The following MRRF variants were observed in gnomAD, a reference collection of about 807,000 sequenced individuals.
The protein encoded by MRRF is ribosome-recycling factor, mitochondrial.
Under a neutral mutation model 25.1 loss-of-function variants are expected in MRRF, and 18 were observed. That is an observed-to-expected ratio of 0.72 (90% CI 0.50 to 1.06). MRRF has a LOEUF of 1.06. Among genes scored for constraint, MRRF ranks in the 50% least tolerant of loss-of-function variants. The pLI is 0.00. For synonymous variants in MRRF, 113 were observed against 112.1 expected (o/e 1.01, Z -0.05); for missense variants, 323 against 319.3 (o/e 1.01, Z -0.09).
chr9:122,285,156 A>C lies in MRRF; in HGVS notation c.341-13A>C. ...TTCTTTGGAATTCTAAAACTCTGTA[A>C]TTTTTCTTTTAGGATCCCTTGACAA... On this transcript the variant is annotated splice_polypyrimidine_tract_variant and intron_variant, in intron 3 of 6. Coordinates refer to ENST00000344641, the MANE Select transcript of MRRF (RefSeq NM_138777.5). 6.4e-7 allele frequency: 1 copy of C among 1,555,062 alleles called. No individual in the cohort carries two copies. Among genetic ancestry groups the C allele is most frequent in the Non-Finnish European group, 8.9e-7 (1 of 1,126,458 alleles).
intron 5 of MRRF, among the ~76,000 whole-genome samples, chr9:122,309,668 G>A (rs1835087363): frequency 6.6e-6 from 1 of 152,176 alleles, no homozygotes; most frequent in South Asian, 2.1e-4. Flanking sequence ...ATTTGCATGT[G>A]TTTGTGTAAT....
rs199793095 is a variant in MRRF at position 122,265,542 on chromosome 9, C to CT, written c.-29+605dup. 1,529 of 346,874 alleles carry CT rather than the reference C, an allele frequency of 4.4e-3. 22 individuals are homozygous for CT. Among genetic ancestry groups the CT allele is most frequent in the African/African-American group, 0.031 (1,455 of 46,550 alleles). The allele number at this position is 346,874 out of a possible 1,614,324, so 21.5% of individuals were successfully genotyped here. On this transcript the variant is annotated intron_variant, in intron 1 of 6. Coordinates refer to ENST00000344641, the MANE Select transcript of MRRF (RefSeq NM_138777.5). The stretch of plus-strand genomic sequence containing the variant: ...CTGGAACCAAGACTCGGAGTTTTCT[C>CT]TAAGTTTAGTGCCTTTATTTTGTTT...
In MRRF at chr9:122,323,083, A is replaced by G. The variant is rs940875858; in HGVS notation, c.*466A>G. 12 of 220,576 alleles carry G rather than the reference A, an allele frequency of 5.4e-5. No individual in the cohort carries two copies. Among genetic ancestry groups the G allele is most frequent in the African/African-American group, 2.7e-4 (12 of 44,416 alleles). The allele number at this position is 220,576 out of a possible 1,614,324, so 13.7% of individuals were successfully genotyped here. On this transcript the variant is annotated 3_prime_UTR_variant, in exon 7 of 7. Transcript: ENST00000344641. ...TTGGAAGGAATAACAACCACAAAGG[A>G]AAGAATAGAGTTGGTCTGGATTGAT...
rs1030208292 is a variant in MRRF, at chr9:122,326,660, AAAAG to A, written c.*4048_*4051del. ...TAAAGATGATTTTTTTTTTTAAGAA[AAAAG>A]AAAGGCCCCTATTCTAAGATTATCT... On this transcript the variant is annotated 3_prime_UTR_variant, in exon 7 of 7. Coordinates refer to ENST00000344641, the MANE Select transcript of MRRF (RefSeq NM_138777.5). 12 of 152,110 alleles carry A rather than the reference AAAAG, an allele frequency of 7.9e-5. No homozygotes were observed. Among genetic ancestry groups the A allele is most frequent in the East Asian group, 1.9e-4 (1 of 5,196 alleles). The allele number at this position is 152,110 out of a possible 1,614,324, so 9.4% of individuals were successfully genotyped here.
chr9:122,320,105 C>T (rs1835796422), intron 6 of MRRF, among the ~76,000 whole-genome samples: 1 of 151,914 alleles, frequency 6.6e-6, no homozygotes. Flanking sequence ...AACTCCTCGA[C>T]TCAAGTGATC....
intron 6 of MRRF, among the ~76,000 whole-genome samples, chr9:122,317,067 A>AATATATATATATATATAT (rs71847269): frequency 1.2e-4 from 17 of 145,388 alleles, no homozygotes; most frequent in East Asian, 4.0e-4. Context: ...GGTTGCAGTG[A>AATATATATATATATATAT]ATATATATAT....
Position 122,312,978 on chromosome 9 carries a change from T to C in MRRF, c.552-249T>C, listed in dbSNP as rs558925365. Among the ~76,000 whole-genome samples the C allele has an allele frequency of 4.1e-4, 62 of 152,350 alleles. 1 individual carries two copies. Among genetic ancestry groups the C allele is most frequent in the African/African-American group, 1.3e-3 (56 of 41,590 alleles). On this transcript the variant is annotated intron_variant, in intron 5 of 6. Coordinates refer to ENST00000344641, the MANE Select transcript of MRRF (RefSeq NM_138777.5). Reference sequence around the variant, plus strand: ...GCAGAAAGAATACAGGCCAGAAATATTGGGATTTGAATCCCAGTTCTCTCA... The same window carrying C: ...GCAGAAAGAATACAGGCCAGAAATACTGGGATTTGAATCCCAGTTCTCTCA...
intron 6 of MRRF, among the ~76,000 whole-genome samples, 183 bp downstream of exon 6, chr9:122,313,569 T>G (rs1433831182): frequency 6.6e-6 from 1 of 152,232 alleles, no homozygotes; most frequent in Non-Finnish European, 1.5e-5. Flanking sequence ...TAGAGGAGGA[T>G]AAGACACTTG....
Position 122,313,319 on chromosome 9 carries a change from C to T in MRRF, c.644C>T (p.Ser215Leu). 1.9e-6 allele frequency: 3 copies of T among 1,614,050 alleles called. No individual in the cohort carries two copies. The highest frequency in any genetic ancestry group is 2.5e-6 in the Non-Finnish European group (3 of 1,179,918). ...TCTTTACGGAAGGTTCGCACCAACTCAATGAACAAGCTGAAGAAATCCAAG... is the reference window on the plus strand; with the variant it reads ...TCTTTACGGAAGGTTCGCACCAACTTAATGAACAAGCTGAAGAAATCCAAG... ...KDSLRKVRTNSMNKLKKSKDT... is the reference protein window; with the variant it reads ...KDSLRKVRTNLMNKLKKSKDT... Residue 215 changes from serine (S) to leucine (L), a missense_variant, in exon 6 of 7, where the codon TCA (serine) becomes TTA (leucine). By Grantham distance (145) the Ser-to-Leu change is moderately radical. Coordinates refer to ENST00000344641, the MANE Select transcript of MRRF (RefSeq NM_138777.5).
At chr9:122,299,483 C>T (rs532941483) in intron 5 of MRRF, among the ~76,000 whole-genome samples, 5 of 152,068 alleles carry the variant, frequency 3.3e-5, no homozygotes, top group African/African-American at 1.2e-4. Flanking sequence ...GTCAAGTAGG[C>T]TGTTGGATAT....
rs1588069024 is a variant in MRRF at position 122,306,482 on chromosome 9, G to T, written c.552-6745G>T. Among the ~76,000 whole-genome samples, 6 of 152,256 alleles carry T rather than the reference G, an allele frequency of 3.9e-5. 1 individual carries two copies. The highest frequency in any genetic ancestry group is 3.9e-4 in the Admixed American group (6 of 15,294). On this transcript the variant is annotated intron_variant, in intron 5 of 6. Transcript: ENST00000344641. ...AGGCAGAGGTGAAATAACTTGCCCA[G>T]GGCCACAAAGCTAAAAACTGATAGA...
intron 2 of MRRF, 96 bp from the exon 3 acceptor site, chr9:122,280,347 C>T (rs1442882016): frequency 6.0e-6 from 8 of 1,328,472 alleles, no homozygotes; most frequent in Middle Eastern, 1.8e-4. Flanking sequence ...TAACACTTGA[C>T]ATTTTTCCCT....
chr9:122,293,889 G>A (rs896351545), intron 5 of MRRF, among the ~76,000 whole-genome samples: 1 of 152,146 alleles, frequency 6.6e-6, no homozygotes, highest in African/African-American at 2.4e-5. Flanking sequence ...GAGAAATTAA[G>A]GGACTTGCCC....
intron 4 of MRRF, among the ~76,000 whole-genome samples, chr9:122,290,751 A>C (rs1053809229): frequency 6.6e-6 from 1 of 152,168 alleles, no homozygotes; most frequent in African/African-American, 2.4e-5. Context: ...ATGCCAATGA[A>C]AGGATCTCTA....
chr9:122,313,852 G>T (rs564369256), intron 6 of MRRF, among the ~76,000 whole-genome samples: 18 of 152,300 alleles, frequency 1.2e-4, no homozygotes, highest in African/African-American at 3.4e-4. Context: ...ACTTGAATAA[G>T]TCTTAAGCTG....
At chr9:122,290,709 A>G (rs771484012) in intron 4 of MRRF, among the ~76,000 whole-genome samples, 19 of 152,200 alleles carry the variant, frequency 1.2e-4, no homozygotes, top group Non-Finnish European at 2.6e-4. Flanking sequence ...TGAAAATGTC[A>G]GAGGCTTTGT....
intron 1 of MRRF, among the ~76,000 whole-genome samples, chr9:122,268,993 G>A (rs1384717267): frequency 1.3e-5 from 2 of 151,808 alleles, no homozygotes; most frequent in Admixed American, 6.6e-5. Flanking sequence ...GTGAAACCCC[G>A]TCTCTACTAA....
At chr9:122,284,849 G>A (rs1048633742) in intron 3 of MRRF, among the ~76,000 whole-genome samples, 3 of 152,132 alleles carry the variant, frequency 2.0e-5, no homozygotes, top group African/African-American at 7.2e-5. Flanking sequence ...GCAGTGGCCA[G>A]TACGGCTCAC....
Position 122,270,939 on chromosome 9 carries a change from C to A in MRRF, c.48C>A (p.Arg16=). 1 of 1,614,134 alleles carries A rather than the reference C, an allele frequency of 6.2e-7. No individual in the cohort carries two copies. Among genetic ancestry groups the A allele is most frequent in the Non-Finnish European group, 8.5e-7 (1 of 1,180,030 alleles). Residue 16 remains arginine (R), a synonymous_variant, in exon 2 of 7, where the codon CGC becomes CGA. Transcript: ENST00000344641. ...TCCGCATGGTCCACCCTACCTTTCGCAATTATCTTGCAGCCTCTATCAGAC... is the reference window on the plus strand; with the variant it reads ...TCCGCATGGTCCACCCTACCTTTCGAAATTATCTTGCAGCCTCTATCAGAC... ...KCFRMVHPTF[R]NYLAASIRPV... is the part of the protein sequence containing the mutation.
Sources: allele counts gnomAD v4.1 joint callset (sites outside exome capture counted in the v4.1 genomes callset), GRCh38; gene constraint gnomAD v4.1.1; transcripts MANE v1.5; gene names NCBI Gene and HGNC (gene_info 2026-07-23, HGNC 2026-07-21).